The following ELP1 variants were observed in gnomAD, a reference collection of about 807,000 sequenced individuals.
The protein encoded by ELP1 is elongator acetyltransferase complex subunit 1.
In ELP1, 131 loss-of-function variants were observed where a neutral mutation model predicts 183.2. The ratio of observed to expected loss-of-function variants is 0.72; its 90% confidence interval spans 0.62 to 0.83. The LOEUF (loss-of-function observed/expected upper bound fraction) is 0.83. Among genes scored for constraint, ELP1 ranks in the 40% least tolerant of loss-of-function variants. The pLI is 0.00. For missense variants in ELP1, 1,550 were observed against 1,594.9 expected (o/e 0.97, Z 0.48); for synonymous variants, 555 against 569.0 (o/e 0.98, Z 0.35).
chr9:108,912,373 A>G lies in ELP1; in HGVS notation c.1080T>C (p.His360=), dbSNP rs1214789434. 3 of 1,614,084 alleles carry G rather than the reference A, an allele frequency of 1.9e-6. No individual in the cohort carries two copies. Among genetic ancestry groups the G allele is most frequent in the African/African-American group, 1.3e-5 (1 of 74,916 alleles). ...GGTAATGCCAGCCCTGACAGAGAAC[A>G]TGCAGCCGGTATGGGGTCACAGGGT... The part of the protein sequence containing the change: ...MWDPVTPYRL[H]VLCQGWHYLA... Residue 360 remains histidine, a synonymous_variant, in exon 11 of 37, where the codon CAT becomes CAC. Transcript: ENST00000374647.
At position 108,869,092 on chromosome 9, in the gene ELP1, G is replaced by A. The variant is rs766166865; in HGVS notation, c.*23C>T. On this transcript the variant is annotated 3_prime_UTR_variant, in exon 37 of 37. Transcript: ENST00000374647. ...ATGAGTGGAAATGGTCTTCTCTGTCGGATCCCTCCTAACTGCAGTCACTCA... is the reference window on the plus strand; with the variant it reads ...ATGAGTGGAAATGGTCTTCTCTGTCAGATCCCTCCTAACTGCAGTCACTCA... 1.8e-5 allele frequency: 29 copies of A among 1,605,962 alleles called. No individual in the cohort carries two copies. The highest frequency in any genetic ancestry group is 4.4e-5 in the South Asian group (4 of 90,928).
At chr9:108,882,446 C>T (rs1253795557) in intron 29 of ELP1, among the ~76,000 whole-genome samples, 1 of 152,100 alleles carries the variant, frequency 6.6e-6, no homozygotes, top group Non-Finnish European at 1.5e-5. Flanking sequence ...ATCAAAACCA[C>T]CAGAAACGTC....
intron 36 of ELP1, among the ~76,000 whole-genome samples, chr9:108,873,541 A>G (rs1266799933): frequency 6.6e-6 from 1 of 152,242 alleles, no homozygotes; most frequent in Non-Finnish European, 1.5e-5. Context: ...AAAACAAGAA[A>G]GTGCTCTTTG....
intron 26 of ELP1, among the ~76,000 whole-genome samples, chr9:108,893,670 G>A (rs975411359): frequency 6.6e-6 from 1 of 152,184 alleles, no homozygotes; most frequent in African/African-American, 2.4e-5. Flanking sequence ...TTTTGATTCT[G>A]AGACACTGAA....
At chr9:108,900,400 C>T (rs200148481) in intron 18 of ELP1, 25 bp from the exon 19 acceptor site, 3 of 1,521,168 alleles carry the variant, frequency 2.0e-6, no homozygotes, top group Non-Finnish European at 2.7e-6. Context: ...AACTAATAAG[C>T]CTTAATTATC....
intron 21 of ELP1, 43 bp from the exon 22 acceptor site, chr9:108,898,624 GTT>G: frequency 6.3e-7 from 1 of 1,598,866 alleles, no homozygotes; most frequent in African/African-American, 1.3e-5. Context: ...GATCATATTA[GTT>G]TAAGTACAAA....
Position 108,900,316 on chromosome 9 carries a change from C to T in ELP1, c.2074G>A (p.Glu692Lys), listed in dbSNP as rs1828724037. 6.2e-7 allele frequency: 1 copy of T among 1,614,208 alleles called. No homozygotes were observed. Among genetic ancestry groups the T allele is most frequent in the Non-Finnish European group, 8.5e-7 (1 of 1,180,010 alleles). Residue 692 changes from glutamate (E) to lysine (K), a missense_variant, in exon 19 of 37, where the codon GAG (glutamate) becomes AAG (lysine). Coordinates refer to ENST00000374647, the MANE Select transcript of ELP1 (RefSeq NM_003640.5). ...VSHGEVLRKV[E>K]RGSRIVTVVP... ...ACAGTGACAATCCGTGAACCCCTCTCCACTTTCCGCAGAACTTCCCCATGG... is the reference window on the plus strand; with the variant it reads ...ACAGTGACAATCCGTGAACCCCTCTTCACTTTCCGCAGAACTTCCCCATGG...
intron 14 of ELP1, 36 bp from the exon 15 acceptor site, chr9:108,903,705 C>T: frequency 2.1e-6 from 3 of 1,453,334 alleles, no homozygotes; most frequent in Non-Finnish European, 2.9e-6. Flanking sequence ...GTAAACAGAC[C>T]ATTTTTCTCA....
At chr9:108,909,723 T>C (rs1829142670) in intron 12 of ELP1, among the ~76,000 whole-genome samples, 1 of 152,166 alleles carries the variant, frequency 6.6e-6, no homozygotes, top group African/African-American at 2.4e-5. Context: ...CTAACTAGAA[T>C]CTCTGCCTCC....
chr9:108,927,202 T>C lies in ELP1; in HGVS notation c.385+170A>G, dbSNP rs76264949. Among the ~76,000 whole-genome samples, 4,142 of 152,204 alleles carry C rather than the reference T, an allele frequency of 0.027. 192 individuals carry two copies. The highest frequency in any genetic ancestry group is 0.096 in the African/African-American group (3,983 of 41,488). On this transcript the variant is annotated intron_variant, in intron 4 of 36. Transcript: ENST00000374647. ...CAAAAAAAAATCACTCTACGTTTTA[T>C]ATATATATACACACACACATACATA...
At chr9:108,891,161 T>A in intron 28 of ELP1, 42 bp downstream of exon 28, 3 of 1,591,482 alleles carry the variant, frequency 1.9e-6, no homozygotes, top group Non-Finnish European at 2.6e-6. Context: ...ATAAATTTTT[T>A]AAAACCTTTG....
chr9:108,874,199 C>G (rs1827604995), intron 36 of ELP1, among the ~76,000 whole-genome samples: 1 of 152,178 alleles, frequency 6.6e-6, no homozygotes, highest in Non-Finnish European at 1.5e-5. Flanking sequence ...ATTTTAGAAA[C>G]TATCATTCAC....
chr9:108,882,256 A>C lies in ELP1; in HGVS notation c.3223-69T>G, dbSNP rs143315501. On this transcript the variant is annotated intron_variant, in intron 29 of 36. Coordinates refer to ENST00000374647, the MANE Select transcript of ELP1 (RefSeq NM_003640.5). ...TCAGATGTCATCACAGCCAACTACA[A>C]AACTAACCACAGACCTGCCTCTATC... The C allele has an allele frequency of 7.5e-4, 1,031 of 1,370,390 alleles. 3 individuals are homozygous for C. The highest frequency in any genetic ancestry group is 9.8e-4 in the Non-Finnish European group (954 of 970,678). 84.9% of individuals were successfully genotyped at this position (1,370,390 alleles called of 1,614,324 possible).
intron 12 of ELP1, among the ~76,000 whole-genome samples, chr9:108,909,423 C>T (rs1213744927): frequency 6.6e-6 from 1 of 152,204 alleles, no homozygotes; most frequent in African/African-American, 2.4e-5. Context: ...CAAACACCAT[C>T]TTTGAAAACT....
intron 9 of ELP1, 118 bp from the exon 10 acceptor site, chr9:108,916,415 G>T: frequency 1.2e-6 from 1 of 809,872 alleles, no homozygotes; most frequent in South Asian, 1.4e-5. Context: ...CTCATCCCTA[G>T]CTGTAAATCA....
chr9:108,916,235 C>G lies in ELP1; in HGVS notation c.927G>C (p.Gln309His). Residue 309 changes from glutamine to histidine, a missense_variant, in exon 10 of 37, where the codon CAG becomes CAC. Coordinates refer to ENST00000374647, the MANE Select transcript of ELP1 (RefSeq NM_003640.5). Reference sequence around the variant, plus strand: ...TTTTCGGAATGGAGCTTTCTTCTCTCTGAAGGTCTTCCAGCCAGACTGCAA... The same window carrying G: ...TTTTCGGAATGGAGCTTTCTTCTCTGTGAAGGTCTTCCAGCCAGACTGCAA... ...SVLAVWLEDL[Q>H]REESSIPKTC... 6.2e-7 allele frequency: 1 copy of G among 1,614,152 alleles called. No individual in the cohort carries two copies. The highest frequency in any genetic ancestry group is 8.5e-7 in the Non-Finnish European group (1 of 1,179,996).
chr9:108,879,637 A>C, intron 32 of ELP1, 80 bp from the exon 33 acceptor site: 1 of 819,486 alleles, frequency 1.2e-6, no homozygotes, highest in Non-Finnish European at 2.0e-6. Flanking sequence ...AAATGAACTA[A>C]CTAGAGTCAA....
At chr9:108,932,361 G>A (rs920004951) in intron 1 of ELP1, among the ~76,000 whole-genome samples, 3 of 151,186 alleles carry the variant, frequency 2.0e-5, no homozygotes, top group African/African-American at 4.8e-5. Context: ...TGTTTTTTGA[G>A]ACGGAGTTTC....
intron 31 of ELP1, 112 bp from the exon 32 acceptor site, chr9:108,880,277 C>G (rs1197682929): frequency 4.1e-6 from 3 of 736,518 alleles, no homozygotes; most frequent in Non-Finnish European, 7.4e-6. Flanking sequence ...AAAGAGGTTA[C>G]TAGGTTTTCC....
Sources: allele counts gnomAD v4.1 joint callset (sites outside exome capture counted in the v4.1 genomes callset), GRCh38; gene constraint gnomAD v4.1.1; transcripts MANE v1.5; gene names NCBI Gene and HGNC (gene_info 2026-07-23, HGNC 2026-07-21).